TAP1: variants seen among roughly 807,000 people sequenced by gnomAD.
TAP1 encodes the protein antigen peptide transporter 1.
TAP1 carries 56 observed loss-of-function variants against 79.3 expected under a neutral mutation model. The ratio of observed to expected loss-of-function variants is 0.71; its 90% CI spans 0.57 to 0.88. TAP1 has a LOEUF of 0.88. TAP1 is among the 40% of genes least tolerant of loss of function. The pLI is 0.00. For missense variants in TAP1, 737 were observed against 936.3 expected, an observed-to-expected ratio of 0.79 and a Z score of 2.78; for synonymous variants, 355 against 401.4, an observed-to-expected ratio of 0.88 and a Z score of 1.38.
At position 32,852,685 on chromosome 6, in the gene TAP1, T is replaced by C; in HGVS notation, c.599-183A>G. 1 of 1,487,370 alleles carries C rather than the reference T, an allele frequency of 6.7e-7. No individual in the cohort carries two copies. The highest frequency in any genetic ancestry group is 8.9e-7 in the Non-Finnish European group (1 of 1,122,798). The allele number at this position is 1,487,370 out of a possible 1,614,324, so 92.1% of individuals were successfully genotyped here. ...GCCCTGGAACTCACTACCCTGTGGT[T>C]GCTCTACCAGAACTTTCAGGATTTT... On this transcript the variant is annotated intron_variant, in intron 1 of 10. Transcript: ENST00000354258. The surrounding 1 kb of genome is among the most constrained non-coding windows in gnomAD (Gnocchi z 4.8).
chr6:32,850,358 C>T lies in TAP1; in HGVS notation c.1210G>A (p.Glu404Lys), dbSNP rs1300434701. 2.5e-6 allele frequency: 4 copies of T among 1,614,134 alleles called. No individual in the cohort carries two copies. Among genetic ancestry groups the T allele is most frequent in the East Asian group, 2.2e-5 (1 of 44,906 alleles). ...GAGTTGACTGCATAGGCCACAGCCT[C>T]CTTCTGGTTGAGTGTCTTTATTTCT... The part of the protein sequence containing the change: ...LQEIKTLNQK[E>K]AVAYAVNSWT... Residue 404 changes from glutamate (E) to lysine (K), a missense_variant, in exon 5 of 11, where the codon GAG becomes AAG. Glu to Lys is a moderately conservative substitution (Grantham distance 56). This residue lies in a region of TAP1 where 406 missense variants were observed against 477.2 expected (regional missense o/e 0.85). Coordinates refer to ENST00000354258, the MANE Select transcript of TAP1 (RefSeq NM_000593.6). The surrounding 1 kb of genome is among the most constrained non-coding windows in gnomAD (Gnocchi z 5.5).
rs1163654700 is a variant in TAP1 at position 32,853,234 on chromosome 6, T to G, written c.403A>C (p.Ser135Arg). ...CTGACAACGAAGGCGGTAGGGTGAC[T>G]TCCCCAGTGCAGTAGCCTGGTGCTA... is the stretch of plus-strand genomic sequence containing the variant. ...ADSTRLLHWGSHPTAFVVSYA... is the reference protein window; with the variant it reads ...ADSTRLLHWGRHPTAFVVSYA... The change falls in exon 1 of 11, where the codon AGT (serine) becomes CGT (arginine). Residue 135 changes from serine to arginine, a missense_variant. Physicochemically the swap from Ser to Arg is moderately radical, Grantham distance 110. Coordinates refer to ENST00000354258, the MANE Select transcript of TAP1 (RefSeq NM_000593.6). This position sits in a 1 kb window ranked among gnomAD's most constrained non-coding sequence, Gnocchi z 8.3. 6.2e-7 allele frequency: 1 copy of G among 1,608,138 alleles called. No individual in the cohort carries two copies. The highest frequency in any genetic ancestry group is 1.1e-5 in the South Asian group (1 of 90,238).
chr6:32,847,457 C>T lies in TAP1; in HGVS notation c.1903+56G>A, dbSNP rs1400373693. ...GAACTGAAGGATAAAGGCAAGACTA[C>T]TGGGGTTTCAGCAAAGGTAAAGATG... On this transcript the variant is annotated intron_variant, in intron 9 of 10. Transcript: ENST00000354258. This position sits in a 1 kb window ranked among gnomAD's most constrained non-coding sequence, Gnocchi z 4.7. 6.2e-7 allele frequency: 1 copy of T among 1,610,784 alleles called. No individual in the cohort carries two copies. Among genetic ancestry groups the T allele is most frequent in the Non-Finnish European group, 8.5e-7 (1 of 1,178,518 alleles).
In TAP1 at chr6:32,851,553, A is replaced by G. The variant is rs72860334; in HGVS notation, c.845-404T>C. ...AGCACTCACTGGGACTAGGGTTCTA[A>G]CCCCAGGTCTATCTCTAGCCATATG... is the stretch of plus-strand genomic sequence containing the variant. On this transcript the variant is annotated intron_variant, in intron 3 of 10. Coordinates refer to ENST00000354258, the MANE Select transcript of TAP1 (RefSeq NM_000593.6). The surrounding 1 kb of genome is among the most constrained non-coding windows in gnomAD (Gnocchi z 4.8). Among the ~76,000 whole-genome samples, 4,644 of 152,166 alleles carry G rather than the reference A, an allele frequency of 0.031. 82 individuals are homozygous for G. The highest frequency in any genetic ancestry group is 0.052 in the South Asian group (251 of 4,822).
In TAP1 at chr6:32,847,166, G is replaced by A. The variant is rs760014590; in HGVS notation, c.1942C>T (p.Arg648Ter). The A allele has an allele frequency of 9.9e-6, 16 of 1,612,442 alleles. No individual in the cohort carries two copies. Among genetic ancestry groups the A allele is most frequent in the Admixed American group, 1.7e-5 (1 of 60,002 alleles). The change falls in exon 10 of 11, where the codon CGA becomes TGA. Residue 648 changes from arginine to a stop codon, truncating the protein, a stop_gained. Coordinates refer to ENST00000354258, the MANE Select transcript of TAP1 (RefSeq NM_000593.6). LOFTEE classifies it high-confidence loss of function. This position sits in a 1 kb window ranked among gnomAD's most constrained non-coding sequence, Gnocchi z 4.7. ...EAGSQLSGGQ[R>*]QAVALARALI... ...GCTCGGGCCAACGCCACTGCCTGTC[G>A]CTGACCCCCTGACAGCTGGCTCCCA... is the stretch of plus-strand genomic sequence containing the variant.
Position 32,845,861 on chromosome 6 carries a change from G to A in TAP1, c.2041-76C>T. The A allele has an allele frequency of 2.3e-6, 3 of 1,290,646 alleles. No homozygotes were observed. The highest frequency in any genetic ancestry group is 2.4e-5 in the East Asian group (1 of 41,198). 79.9% of individuals were successfully genotyped at this position (1,290,646 alleles called of 1,614,324 possible). A position where few individuals can be genotyped will look rare whatever the true frequency, so the allele number is the denominator to read the frequency against. ...GAGACACCTGTGTTTCCAGGGCTGG[G>A]ACTGACCTCACAGGATCACTGCTGG... On this transcript the variant is annotated intron_variant, in intron 10 of 10. Transcript: ENST00000354258. This position sits in a 1 kb window ranked among gnomAD's most constrained non-coding sequence, Gnocchi z 4.5.
chr6:32,849,363 T>C (rs748795274), intron 5 of TAP1: 12 of 594,134 alleles, frequency 2.0e-5, no homozygotes, highest in Middle Eastern at 4.5e-4. Flanking sequence ...ATTTTACTCT[T>C]CACAAAAGGC....
At position 32,847,006 on chromosome 6, in the gene TAP1, G is replaced by C. The variant is rs1770462766; in HGVS notation, c.2040+62C>G. 1.2e-5 allele frequency: 20 copies of C among 1,601,508 alleles called. 1 individual carries two copies. The South Asian group carries it at 2.1e-4, about 17-fold the overall frequency. Reference sequence around the variant, plus strand: ...AATTATGATGTTAGTAAAACTAACAGAAGATGTATAAAAGAAGCAAGATTG... The same window carrying C: ...AATTATGATGTTAGTAAAACTAACACAAGATGTATAAAAGAAGCAAGATTG... On this transcript the variant is annotated intron_variant, in intron 10 of 10. Coordinates refer to ENST00000354258, the MANE Select transcript of TAP1 (RefSeq NM_000593.6). The surrounding 1 kb of genome is among the most constrained non-coding windows in gnomAD (Gnocchi z 4.7).
Position 32,849,131 on chromosome 6 carries a change from C to T in TAP1, c.1249-13G>A, listed in dbSNP as rs1395427958. The T allele has an allele frequency of 6.4e-7, 1 of 1,570,240 alleles. No individual in the cohort carries two copies. Among genetic ancestry groups the T allele is most frequent in the South Asian group, 1.2e-5 (1 of 85,766 alleles). ...GCATACCTGAAATCTATAAAGAGACCACAAAAAAAGGGACTGAGGTAGAGA... is the reference window on the plus strand; with the variant it reads ...GCATACCTGAAATCTATAAAGAGACTACAAAAAAAGGGACTGAGGTAGAGA... On this transcript the variant is annotated splice_polypyrimidine_tract_variant and intron_variant, in intron 5 of 10. Transcript: ENST00000354258.
rs757680391 is a variant in TAP1, at chr6:32,848,731, G to A, written c.1487C>T (p.Pro496Leu). ...PRCPPSGLLTPLHLEGLVQFQ... is the reference protein window; with the variant it reads ...PRCPPSGLLTLLHLEGLVQFQ... ...CTGGACAAGGCCCTCCAAGTGTAAG[G>A]GAGTCAACAGACCACTGGGTGGGCA... The change falls in exon 7 of 11, where the codon CCC (proline) becomes CTC (leucine). Residue 496 changes from proline to leucine, a missense_variant. By Grantham distance (98) the Pro-to-Leu change is moderately conservative. This residue lies in a region of TAP1 where 266 missense variants were observed against 332.4 expected (regional missense o/e 0.80). Coordinates refer to ENST00000354258, the MANE Select transcript of TAP1 (RefSeq NM_000593.6). 1 of 1,614,106 alleles carries A rather than the reference G, an allele frequency of 6.2e-7. No individual in the cohort carries two copies. The highest frequency in any genetic ancestry group is 2.2e-5 in the East Asian group (1 of 44,888).
chr6:32,848,761 G>C lies in TAP1; in HGVS notation c.1457C>G (p.Pro486Arg). The C allele has an allele frequency of 6.2e-7, 1 of 1,614,130 alleles. No individual in the cohort carries two copies. The highest frequency in any genetic ancestry group is 8.5e-7 in the Non-Finnish European group (1 of 1,180,032). The part of the protein sequence containing the change: ...EKIFEYLDRT[P>R]RCPPSGLLTP... ...CAACAGACCACTGGGTGGGCAGCGA[G>C]GGGTGCGGTCCAGGTACTCAAATAT... Residue 486 changes from proline (P) to arginine (R), a missense_variant, in exon 7 of 11, where the codon CCT (proline) becomes CGT (arginine). Physicochemically the swap from Pro to Arg is moderately radical, Grantham distance 103 (BLOSUM62 -2). Coordinates refer to ENST00000354258, the MANE Select transcript of TAP1 (RefSeq NM_000593.6).
intron 10 of TAP1, chr6:32,846,061 A>G: frequency 1.8e-6 from 1 of 541,762 alleles, no homozygotes; most frequent in Non-Finnish European, 3.3e-6. Context: ...CCTCTTCTCT[A>G]CCCATGGACT....
At chr6:32,848,604 C>T (rs759600481) in intron 7 of TAP1, 48 bp downstream of exon 7, 1 of 1,601,558 alleles carries the variant, frequency 6.2e-7, no homozygotes, top group East Asian at 2.2e-5. Context: ...TTTAGGATGG[C>T]AGAATTGCAG....
intron 10 of TAP1, 114 bp downstream of exon 10, chr6:32,846,954 C>T (rs1196941037): frequency 1.3e-6 from 2 of 1,533,304 alleles, no homozygotes; most frequent in Admixed American, 1.7e-5. Flanking sequence ...GATTTGGGAA[C>T]TGAGAACTGC....
intron 5 of TAP1, chr6:32,849,356 T>G: frequency 1.0e-5 from 6 of 602,474 alleles, no homozygotes; most frequent in South Asian, 7.9e-5. Flanking sequence ...GGGGAGCATT[T>G]TACTCTTCAC....
intron 5 of TAP1, chr6:32,849,383 T>C (rs973518442): frequency 4.7e-5 from 27 of 570,358 alleles, no homozygotes; most frequent in African/African-American, 7.5e-5. Flanking sequence ...CTTTCATTCA[T>C]GTGATGTCAG....
At position 32,847,832 on chromosome 6, in the gene TAP1, TCCCTAA is replaced by T; in HGVS notation, c.1740+81_1740+86del. ...ATCTCCACCCAAGGTCTCTTATCAT[TCCCTAA>T]CCCCTCTTTCAGAGTGCTCAGTAAG... On this transcript the variant is annotated intron_variant, in intron 8 of 10. Coordinates refer to ENST00000354258, the MANE Select transcript of TAP1 (RefSeq NM_000593.6). This position sits in a 1 kb window ranked among gnomAD's most constrained non-coding sequence, Gnocchi z 4.7. 1 of 1,599,082 alleles carries T rather than the reference TCCCTAA, an allele frequency of 6.3e-7. No individual in the cohort carries two copies. Among genetic ancestry groups the T allele is most frequent in the Non-Finnish European group, 8.6e-7 (1 of 1,167,606 alleles).
chr6:32,850,969 G>A lies in TAP1; in HGVS notation c.1025C>T (p.Pro342Leu), dbSNP rs754955681. The A allele has an allele frequency of 1.2e-6, 2 of 1,612,898 alleles. No individual in the cohort carries two copies. The highest frequency in any genetic ancestry group is 1.7e-6 in the Non-Finnish European group (2 of 1,180,000). The part of the protein sequence containing the change: ...LITLPLLFLL[P>L]KKVGKWYQLL... Reference sequence around the variant, plus strand: ...CTGGTACCATTTTCCCACCTTCTTGGGCAGAAGGAAAAGCAGAGGCAGGGT... The same window carrying A: ...CTGGTACCATTTTCCCACCTTCTTGAGCAGAAGGAAAAGCAGAGGCAGGGT... The change falls in exon 4 of 11, where the codon CCC becomes CTC. Residue 342 changes from proline (P) to leucine (L), a missense_variant. Transcript: ENST00000354258. The surrounding 1 kb of genome is among the most constrained non-coding windows in gnomAD (Gnocchi z 5.5).
chr6:32,849,339 C>G, intron 5 of TAP1: 1 of 627,168 alleles, frequency 1.6e-6, no homozygotes, highest in East Asian at 2.7e-5. Flanking sequence ...CCACTATCAC[C>G]TTGTCTGGGG....
Sources: allele counts gnomAD v4.1 joint callset (sites outside exome capture counted in the v4.1 genomes callset), GRCh38; gene constraint gnomAD v4.1.1; regional missense constraint gnomAD v4.1.1; non-coding constraint Gnocchi (gnomAD v3.1); transcripts MANE v1.5; gene names NCBI Gene and HGNC (gene_info 2026-07-23, HGNC 2026-07-21).